Variants in FRMD6 observed in about 807,000 individuals in gnomAD.
The protein encoded by FRMD6 is FERM domain containing 6.
In FRMD6, 37 loss-of-function variants were observed where a neutral mutation model predicts 73.2. The ratio of observed to expected loss-of-function variants is 0.51; its 90% CI spans 0.39 to 0.66. FRMD6 has a LOEUF of 0.66. Ranked by LOEUF, FRMD6 falls within the 30% of genes least tolerant of loss-of-function variation. The probability of loss-of-function intolerance (pLI) is 0.00; values close to 1 mark genes in which losing one functional copy is unlikely to be tolerated. For synonymous variants in FRMD6, 273 were observed against 282.2 expected, an observed-to-expected ratio of 0.97 and a Z score of 0.33; for missense variants, 714 against 780.5, an observed-to-expected ratio of 0.91 and a Z score of 1.02.
At chr14:51,447,064 T>C in the FRMD6 span, among the ~76,000 whole-genome samples, 1 of 152,290 alleles carries the variant, frequency 6.6e-6, no homozygotes, top group South Asian at 2.1e-4. Flanking sequence ...TCTGTCCCGA[T>C]ATGAGTGGGC....
chr14:51,434,627 TA>T, the FRMD6 span, among the ~76,000 whole-genome samples: 1 of 152,232 alleles, frequency 6.6e-6, no homozygotes, highest in East Asian at 1.9e-4. Flanking sequence ...GGAAATTATT[TA>T]AATAAAAATT....
chr14:51,497,209 T>C (rs1198258042), intron 1 of FRMD6, among the ~76,000 whole-genome samples: 2 of 152,090 alleles, frequency 1.3e-5, no homozygotes, highest in Admixed American at 6.6e-5. Context: ...ACGCTCTGGG[T>C]TCTTGATTCC....
intron 1 of FRMD6, among the ~76,000 whole-genome samples, chr14:51,503,005 A>C (rs1239567711): frequency 1.3e-5 from 2 of 152,004 alleles, no homozygotes; most frequent in African/African-American, 4.8e-5. Context: ...CTCACCTATT[A>C]TTGGTATATA....
At chr14:51,522,692 G>A (rs1885017762) in intron 1 of FRMD6, among the ~76,000 whole-genome samples, 1 of 152,208 alleles carries the variant, frequency 6.6e-6, no homozygotes, top group Non-Finnish European at 1.5e-5. Flanking sequence ...AAAAGGGAAT[G>A]TTGCATTTTC....
At chr14:51,460,460 A>G in the FRMD6 span, among the ~76,000 whole-genome samples, 1 of 152,234 alleles carries the variant, frequency 6.6e-6, no homozygotes, top group African/African-American at 2.4e-5. Flanking sequence ...ATAGATTCCT[A>G]AAAGTATAAT....
intron 1 of FRMD6, among the ~76,000 whole-genome samples, chr14:51,658,213 G>C (rs1892975499): frequency 6.6e-6 from 1 of 152,202 alleles, no homozygotes; most frequent in African/African-American, 2.4e-5. Context: ...GATAGACTCA[G>C]ATCTGCCCAG....
the FRMD6 span, among the ~76,000 whole-genome samples, chr14:51,430,279 G>A: frequency 6.6e-6 from 1 of 152,146 alleles, no homozygotes; most frequent in South Asian, 2.1e-4. Context: ...GAAAGAAAGA[G>A]TTCTTTGTGT....
the FRMD6 span, among the ~76,000 whole-genome samples, chr14:51,405,389 A>T: frequency 6.6e-6 from 1 of 152,154 alleles, no homozygotes; most frequent in Admixed American, 6.5e-5. Flanking sequence ...TTATACTTTC[A>T]TCAACTGTGT....
At chr14:51,438,505 T>A in the FRMD6 span, among the ~76,000 whole-genome samples, 2 of 152,224 alleles carry the variant, frequency 1.3e-5, no homozygotes, top group African/African-American at 4.8e-5. Context: ...AAGTTTGACT[T>A]GTATAACATC....
intron 10 of FRMD6, among the ~76,000 whole-genome samples, chr14:51,719,174 A>T (rs1897400186): frequency 1.3e-5 from 2 of 152,170 alleles, no homozygotes; most frequent in African/African-American, 4.8e-5. Flanking sequence ...GTGTCAGTTG[A>T]GTTGTAACTG....
At chr14:51,613,077 A>T (rs563920773) in intron 2 of FRMD6, among the ~76,000 whole-genome samples, 93 of 152,202 alleles carry the variant, frequency 6.1e-4, no homozygotes, top group Non-Finnish European at 7.6e-4. Flanking sequence ...CGAAACCAGA[A>T]TTGAGACAGT....
At chr14:51,587,011 C>G (rs968944655) in intron 2 of FRMD6, among the ~76,000 whole-genome samples, 2 of 152,200 alleles carry the variant, frequency 1.3e-5, no homozygotes, top group African/African-American at 4.8e-5. Flanking sequence ...CTGCCTTGGC[C>G]TCTCAAAGTG....
chr14:51,575,883 T>C (rs1415045892), intron 2 of FRMD6: 3 of 152,208 alleles, frequency 2.0e-5, no homozygotes, highest in Non-Finnish European at 4.4e-5. Context: ...AATGCTACCT[T>C]ATTGCAGACA....
upstream of FRMD6, among the ~76,000 whole-genome samples, chr14:51,485,906 C>CTGCA (rs1237475163): frequency 6.6e-6 from 1 of 152,166 alleles, no homozygotes; most frequent in African/African-American, 2.4e-5. Flanking sequence ...AGCAGGCACA[C>CTGCA]TGCAGTCAAG....
chr14:51,447,576 A>G, the FRMD6 span, among the ~76,000 whole-genome samples: 5 of 152,252 alleles, frequency 3.3e-5, no homozygotes, highest in Non-Finnish European at 7.3e-5. Flanking sequence ...ACAAATGTGC[A>G]GACTGTGCCT....
chr14:51,433,301 A>G, the FRMD6 span, among the ~76,000 whole-genome samples: 2 of 152,218 alleles, frequency 1.3e-5, no homozygotes, highest in Non-Finnish European at 2.9e-5. Flanking sequence ...ATGCCTACAG[A>G]TAGAAGAATG....
At chr14:51,606,194 C>A (rs7152173) in intron 2 of FRMD6, among the ~76,000 whole-genome samples, 145,739 of 152,224 alleles carry the variant, frequency 0.96, 69,803 homozygotes, top group African/African-American at 0.99. Context: ...GCCTTCTGGC[C>A]TGGGGAAAGA....
At chr14:51,532,917 C>T (rs1885671043) in intron 1 of FRMD6, among the ~76,000 whole-genome samples, 1 of 152,254 alleles carries the variant, frequency 6.6e-6, no homozygotes, top group Admixed American at 6.5e-5. Flanking sequence ...GTGCTCAGCA[C>T]ATGGCCTGGC....
chr14:51,486,629 C>T (rs1882766154), upstream of FRMD6, among the ~76,000 whole-genome samples: 2 of 152,220 alleles, frequency 1.3e-5, no homozygotes, highest in Non-Finnish European at 2.9e-5. Context: ...GACACTGATA[C>T]AATGCTAATC....
Sources: gnomAD v4.1 joint callset for allele counts (sites outside exome capture counted in the v4.1 genomes callset) on GRCh38, gnomAD v4.1.1 for gene constraint, MANE v1.5 for transcripts, NCBI Gene and HGNC (gene_info 2026-07-23, HGNC 2026-07-21) for gene names.